DCC: variants seen among roughly 807,000 people sequenced by gnomAD.
DCC encodes netrin receptor DCC.
Under a neutral mutation model 172.5 loss-of-function variants are expected in DCC, and 58 were observed. The observed-to-expected ratio is 0.34, with a 90% confidence interval of 0.27 to 0.42. The LOEUF is 0.42. Ranked by LOEUF, DCC falls within the 10% of genes least tolerant of loss-of-function variation. The pLI, the probability that DCC is intolerant of heterozygous loss-of-function variation, is 1.00. For missense variants in DCC, 1,740 were observed against 1,791.0 expected (o/e 0.97, Z 0.51); for synonymous variants, 709 against 644.5 (o/e 1.10, Z -1.52).
intron 1 of DCC, among the ~76,000 whole-genome samples, chr18:52,671,532 C>CTTTTTT (rs761856360): frequency 1.7e-5 from 2 of 116,992 alleles, no homozygotes; most frequent in Non-Finnish European, 3.5e-5. Flanking sequence ...ATATGCCAAC[C>CTTTTTT]TTTTTTTTTT....
At chr18:53,141,833 T>G (rs1340048215) in intron 7 of DCC, among the ~76,000 whole-genome samples, 1 of 152,206 alleles carries the variant, frequency 6.6e-6, no homozygotes, top group Non-Finnish European at 1.5e-5. Flanking sequence ...GTCCTGGTTA[T>G]GATTACTTTT....
chr18:53,312,623 G>T (rs1035367290), intron 13 of DCC, among the ~76,000 whole-genome samples: 1 of 150,802 alleles, frequency 6.6e-6, no homozygotes, highest in Non-Finnish European at 1.5e-5. Context: ...GAGGTCAGGA[G>T]ATCGAGAAAC....
chr18:53,442,754 A>G (rs954507333), intron 22 of DCC, among the ~76,000 whole-genome samples: 1 of 152,240 alleles, frequency 6.6e-6, no homozygotes, highest in Non-Finnish European at 1.5e-5. Flanking sequence ...AAGGAAATTC[A>G]AAGTGCTATT....
intron 1 of DCC, among the ~76,000 whole-genome samples, chr18:52,557,360 T>C (rs2032940163): frequency 6.6e-6 from 1 of 152,210 alleles, no homozygotes; most frequent in Non-Finnish European, 1.5e-5. Context: ...AAGTAACAGA[T>C]ACATATATTA....
At chr18:52,431,281 A>G (rs758674643) in intron 1 of DCC, among the ~76,000 whole-genome samples, 1 of 152,100 alleles carries the variant, frequency 6.6e-6, no homozygotes, top group Non-Finnish European at 1.5e-5. Context: ...GGAGGTAAAG[A>G]TTGATGAAAA....
chr18:53,210,630 A>G (rs1372469207), intron 11 of DCC, among the ~76,000 whole-genome samples: 1 of 152,160 alleles, frequency 6.6e-6, no homozygotes, highest in Non-Finnish European at 1.5e-5. Flanking sequence ...AACTAATTTG[A>G]TATATTAATT....
intron 5 of DCC, among the ~76,000 whole-genome samples, chr18:52,928,834 G>C (rs1776808627): frequency 6.6e-6 from 1 of 152,132 alleles, no homozygotes; most frequent in Non-Finnish European, 1.5e-5. Context: ...ATCTGCATGG[G>C]AGGCACATGC....
At chr18:52,368,494 G>C (rs565357534) in intron 1 of DCC, among the ~76,000 whole-genome samples, 3 of 152,088 alleles carry the variant, frequency 2.0e-5, no homozygotes, top group Admixed American at 6.5e-5. Context: ...CTCCCTATGC[G>C]TCATTCTGCA....
intron 1 of DCC, among the ~76,000 whole-genome samples, chr18:52,620,596 CTAAGTT>C (rs2034460176): frequency 6.6e-6 from 1 of 152,138 alleles, no homozygotes. Flanking sequence ...GGTTTTTACT[CTAAGTT>C]TAATTGTAGC....
chr18:53,070,220 G>A (rs986063269), intron 7 of DCC, among the ~76,000 whole-genome samples: 11 of 152,092 alleles, frequency 7.2e-5, no homozygotes, highest in Admixed American at 3.9e-4. Flanking sequence ...GGCTGGTCTC[G>A]AACTCCTGAC....
chr18:52,396,287 C>T (rs1357807421), intron 1 of DCC, among the ~76,000 whole-genome samples: 1 of 139,854 alleles, frequency 7.2e-6, no homozygotes, highest in Admixed American at 7.9e-5. Flanking sequence ...CCACACCCCC[C>T]CCCCACCCCG....
rs112053702 is a variant in DCC at position 52,545,819 on chromosome 18, T to A, written c.91+204941T>A. On this transcript the variant is annotated intron_variant, in intron 1 of 28. Coordinates refer to ENST00000442544, the MANE Select transcript of DCC (RefSeq NM_005215.4). Reference sequence around the variant, plus strand: ...TGCCTTCTATAAGGGAGTGTTGAATTCAGGAATAAATAGTACTAACTGTTT... The same window carrying A: ...TGCCTTCTATAAGGGAGTGTTGAATACAGGAATAAATAGTACTAACTGTTT... Among the ~76,000 whole-genome samples, 764 of 152,280 alleles carry A rather than the reference T, an allele frequency of 5.0e-3. 1 individual carries two copies. Among genetic ancestry groups the A allele is most frequent in the Non-Finnish European group, 8.8e-3 (600 of 68,024 alleles).
chr18:52,970,782 T>C (rs1383950840), intron 5 of DCC, among the ~76,000 whole-genome samples: 6 of 152,174 alleles, frequency 3.9e-5, no homozygotes, highest in Non-Finnish European at 7.3e-5. Flanking sequence ...CACAATTCCA[T>C]TTGAAGCCTC....
chr18:52,656,072 G>GTA (rs902167095), intron 1 of DCC, among the ~76,000 whole-genome samples: 3 of 136,654 alleles, frequency 2.2e-5, no homozygotes, highest in Admixed American at 7.5e-5. Context: ...ATATATATGT[G>GTA]TATATATATG....
At chr18:52,967,833 G>A (rs531453093) in intron 5 of DCC, among the ~76,000 whole-genome samples, 5 of 152,218 alleles carry the variant, frequency 3.3e-5, no homozygotes, top group Non-Finnish European at 7.4e-5. Flanking sequence ...AGGATTTTTT[G>A]GCAATATAAT....
At chr18:53,525,695 A>AC (rs1050219580) in intron 27 of DCC, among the ~76,000 whole-genome samples, 8 of 152,068 alleles carry the variant, frequency 5.3e-5, no homozygotes, top group African/African-American at 1.9e-4. Context: ...AAAATATAGG[A>AC]CCCCATTAGA....
At chr18:53,014,546 T>A (rs2041780424) in intron 5 of DCC, among the ~76,000 whole-genome samples, 1 of 150,332 alleles carries the variant, frequency 6.7e-6, no homozygotes, top group Non-Finnish European at 1.5e-5. Flanking sequence ...AGTGTTTGGT[T>A]TTTTGTCCTT....
Position 53,205,340 on chromosome 18 carries a change from T to C in DCC, c.1698T>C (p.Thr566=), listed in dbSNP as rs764212769. 8 of 1,613,976 alleles carry C rather than the reference T, an allele frequency of 5.0e-6. 1 individual carries two copies. In the Admixed American group the frequency reaches 1.0e-4, roughly 20 times the overall value. The change falls in exon 10 of 29, where the codon ACT becomes ACC. Residue 566 remains threonine, a synonymous_variant. Coordinates refer to ENST00000442544, the MANE Select transcript of DCC (RefSeq NM_005215.4). ...GPVQGYRLFC[T]EVSTGKEQNI... is the part of the protein sequence containing the mutation. ...TCCAAGGTTACAGATTGTTCTGCAC[T>C]GAGGTGTCCACAGGAAAAGAACAGG...
chr18:53,475,438 C>T (rs1342394379), intron 25 of DCC, among the ~76,000 whole-genome samples: 2 of 152,278 alleles, frequency 1.3e-5, no homozygotes, highest in East Asian at 1.9e-4. Context: ...CTGTGAGCTG[C>T]GTGCAGCCTA....
Sources: allele counts gnomAD v4.1 joint callset (sites outside exome capture counted in the v4.1 genomes callset), GRCh38; gene constraint gnomAD v4.1.1; transcripts MANE v1.5; gene names NCBI Gene and HGNC (gene_info 2026-07-23, HGNC 2026-07-21).